SNX16: variants seen among roughly 807,000 people sequenced by gnomAD.
SNX16 encodes the protein sorting nexin 16, also known as sorting nexin-16.
In SNX16, 35 loss-of-function variants were observed where a neutral mutation model predicts 36.7. That is an observed-to-expected ratio of 0.95 (90% confidence interval 0.73 to 1.27). SNX16 has a LOEUF of 1.27. SNX16 is among the 50% of genes most tolerant of loss of function. The probability of loss-of-function intolerance (pLI) is 0.00; values close to 1 mark genes in which losing one functional copy is unlikely to be tolerated. For synonymous variants in SNX16, 134 were observed against 132.0 expected, an observed-to-expected ratio of 1.02 and a Z score of -0.10; for missense variants, 367 against 393.6, an observed-to-expected ratio of 0.93 and a Z score of 0.57.
intron 5 of SNX16, among the ~76,000 whole-genome samples, chr8:81,809,685 G>C (rs991160673): frequency 1.3e-5 from 2 of 152,184 alleles, no homozygotes; most frequent in Non-Finnish European, 2.9e-5. Context: ...GACAATACTT[G>C]TATTAGTGGT....
chr8:81,839,297 T>C (rs1011788589), intron 2 of SNX16, among the ~76,000 whole-genome samples: 7 of 152,120 alleles, frequency 4.6e-5, no homozygotes, highest in Admixed American at 4.6e-4. Context: ...GCAAAATTAA[T>C]CTAGGCTATA....
intron 5 of SNX16, chr8:81,808,365 T>A: frequency 7.6e-7 from 1 of 1,310,378 alleles, no homozygotes; most frequent in South Asian, 1.2e-5. Flanking sequence ...TCGAAGTGGT[T>A]CTGGAAACTT....
chr8:81,834,777 G>C (rs1227238741), intron 2 of SNX16, among the ~76,000 whole-genome samples: 2 of 152,238 alleles, frequency 1.3e-5, no homozygotes, highest in African/African-American at 4.8e-5. Context: ...CTCCACCCCT[G>C]GGGCTTTGCA....
At chr8:81,834,698 T>C (rs1189623557) in intron 2 of SNX16, among the ~76,000 whole-genome samples, 1 of 152,150 alleles carries the variant, frequency 6.6e-6, no homozygotes, top group South Asian at 2.1e-4. Flanking sequence ...ATACTTTCCT[T>C]TGACTCCATG....
At chr8:81,829,177 T>G (rs770131871) in intron 3 of SNX16, among the ~76,000 whole-genome samples, 4 of 152,162 alleles carry the variant, frequency 2.6e-5, no homozygotes, top group African/African-American at 9.6e-5. Flanking sequence ...TATATAATTT[T>G]ATAATAATTC....
chr8:81,803,876 T>C (rs1465633355), intron 5 of SNX16, among the ~76,000 whole-genome samples: 1 of 151,806 alleles, frequency 6.6e-6, no homozygotes, highest in Non-Finnish European at 1.5e-5. Context: ...GTGGGCGAGG[T>C]AAAGTCTCAC....
intron 5 of SNX16, among the ~76,000 whole-genome samples, chr8:81,806,706 GAT>G (rs1300331881): frequency 2.0e-5 from 3 of 152,008 alleles, no homozygotes; most frequent in South Asian, 2.1e-4. Flanking sequence ...TGAAATGAAA[GAT>G]ATTACGTATT....
rs893593577 is a variant in SNX16, at chr8:81,800,754, A to G, written c.*743T>C. The G allele has an allele frequency of 8.5e-5, 13 of 152,228 alleles. No homozygotes were observed. The highest frequency in any genetic ancestry group is 3.1e-4 in the African/African-American group (13 of 41,450). 9.4% of individuals were successfully genotyped at this position (152,228 alleles called of 1,614,324 possible). On this transcript the variant is annotated 3_prime_UTR_variant, in exon 8 of 8. Coordinates refer to ENST00000345957, the MANE Select transcript of SNX16 (RefSeq NM_152836.3). ...AAGGAGGTAGTATTCTGAAAGAGGC[A>G]AACTCACTAAATCTAGGTAGAGATA...
intron 2 of SNX16, among the ~76,000 whole-genome samples, chr8:81,830,579 T>TAAAAAAAAAAA: frequency 1.1e-5 from 1 of 90,220 alleles, no homozygotes; most frequent in Non-Finnish European, 2.2e-5. Context: ...GTCTAGGGGG[T>TAAAAAAAAAAA]AAAAAAAAAA....
In SNX16 at chr8:81,801,438, T is replaced by C. The variant is rs986694478; in HGVS notation, c.*59A>G. On this transcript the variant is annotated 3_prime_UTR_variant, in exon 8 of 8. Transcript: ENST00000345957. ...GTTCTTGGTTCTTCTTTTAAAATAG[T>C]ATTTGCCACTCTTCTAAATTTTTGA... 1.1e-6 allele frequency: 1 copy of C among 925,520 alleles called. No individual in the cohort carries two copies. 57.3% of individuals were successfully genotyped at this position (925,520 alleles called of 1,614,324 possible).
intron 5 of SNX16, 100 bp downstream of exon 5, chr8:81,815,225 T>G: frequency 1.2e-6 from 1 of 855,174 alleles, no homozygotes. Context: ...AGCCTGAAAT[T>G]ATAATATTTT....
intron 4 of SNX16, among the ~76,000 whole-genome samples, chr8:81,817,468 C>T (rs1810547274): frequency 6.6e-6 from 1 of 152,132 alleles, no homozygotes; most frequent in Non-Finnish European, 1.5e-5. Flanking sequence ...TGATCTATGG[C>T]TCACTAGAGT....
rs1809647654 is a variant in SNX16 at position 81,800,721 on chromosome 8, C to T, written c.*776G>A. 1 of 151,946 alleles carries T rather than the reference C, an allele frequency of 6.6e-6. No individual in the cohort carries two copies. Among genetic ancestry groups the T allele is most frequent in the African/African-American group, 2.4e-5 (1 of 41,340 alleles). 9.4% of individuals were successfully genotyped at this position (151,946 alleles called of 1,614,324 possible). A position where few individuals can be genotyped will look rare whatever the true frequency, so the allele number is the denominator to read the frequency against. ...AATCTATATTTTCGAAAGAATATGC[C>T]TTAACAAAAGGAGGTAGTATTCTGA... On this transcript the variant is annotated 3_prime_UTR_variant, in exon 8 of 8. Transcript: ENST00000345957.
chr8:81,805,921 C>CAA (rs151100597), intron 5 of SNX16, among the ~76,000 whole-genome samples: 57 of 149,530 alleles, frequency 3.8e-4, no homozygotes, highest in African/African-American at 1.3e-3. Context: ...ACTCTTATCT[C>CAA]AAAAAAAAGA....
At chr8:81,805,681 A>C (rs1334853005) in intron 5 of SNX16, among the ~76,000 whole-genome samples, 1 of 152,192 alleles carries the variant, frequency 6.6e-6, no homozygotes. Flanking sequence ...GCACTTTGGG[A>C]GGCTGAGGCG....
At chr8:81,808,954 A>G (rs937182002) in intron 5 of SNX16, among the ~76,000 whole-genome samples, 1 of 152,214 alleles carries the variant, frequency 6.6e-6, no homozygotes, top group African/African-American at 2.4e-5. Flanking sequence ...GTTCTGTGGC[A>G]AATGTAAAGC....
chr8:81,819,451 CAT>C (rs1234060926), intron 4 of SNX16, among the ~76,000 whole-genome samples: 2 of 152,074 alleles, frequency 1.3e-5, no homozygotes, highest in African/African-American at 4.8e-5. Context: ...AGTCCTTCTT[CAT>C]CTTTCCTTGC....
At chr8:81,807,218 T>A (rs1439936470) in intron 5 of SNX16, among the ~76,000 whole-genome samples, 1 of 151,876 alleles carries the variant, frequency 6.6e-6, no homozygotes, top group East Asian at 1.9e-4. Flanking sequence ...GGGATGAGAC[T>A]ACTAAAAATG....
intron 5 of SNX16, among the ~76,000 whole-genome samples, chr8:81,804,488 T>C (rs1310417265): frequency 1.3e-5 from 2 of 151,420 alleles, no homozygotes; most frequent in Admixed American, 1.3e-4. Context: ...ACTACAGAAG[T>C]TAAAAACCAA....
Sources: allele counts gnomAD v4.1 joint callset (sites outside exome capture counted in the v4.1 genomes callset), GRCh38; gene constraint gnomAD v4.1.1; transcripts MANE v1.5; gene names NCBI Gene and HGNC (gene_info 2026-07-23, HGNC 2026-07-21).